LIG3: variants seen among roughly 807,000 people sequenced by gnomAD.
LIG3 encodes DNA ligase 3.
LIG3 carries 58 observed loss-of-function variants against 110.9 expected under a neutral mutation model. The observed-to-expected ratio is 0.52, with a 90% CI of 0.42 to 0.65. The LOEUF (loss-of-function observed/expected upper bound fraction) is 0.65. Among genes scored for constraint, LIG3 ranks in the 30% least tolerant of loss-of-function variants. The probability of loss-of-function intolerance (pLI) is 0.00; values close to 1 mark genes in which losing one functional copy is unlikely to be tolerated. For synonymous variants in LIG3, 422 were observed against 472.8 expected, an observed-to-expected ratio of 0.89 and a Z score of 1.39; for missense variants, 1,094 against 1,273.8, an observed-to-expected ratio of 0.86 and a Z score of 2.15.
At chr17:34,994,192 C>A in intron 8 of LIG3, 84 bp from the exon 9 acceptor site, 1 of 1,378,476 alleles carries the variant, frequency 7.3e-7, no homozygotes, top group African/African-American at 1.4e-5. Flanking sequence ...ACTACCCTCA[C>A]TAACCCAGTT....
At chr17:34,998,381 G>T (rs916223652) in intron 13 of LIG3, 85 bp downstream of exon 13, 1 of 1,281,132 alleles carries the variant, frequency 7.8e-7, no homozygotes, top group Non-Finnish European at 1.1e-6. Flanking sequence ...AGGAGATGGC[G>T]GTGGCAGCCT....
chr17:34,992,037 TAAGTAG>T lies in LIG3; in HGVS notation c.1286+3_1286+8del. 6.2e-7 allele frequency: 1 copy of T among 1,613,452 alleles called. No individual in the cohort carries two copies. Among genetic ancestry groups the T allele is most frequent in the Non-Finnish European group, 8.5e-7 (1 of 1,179,334 alleles). ...GATGAACTCAGGTGCAAAACATGTG[TAAGTAG>T]CAGCTCCGCTGACAGCCTGAGCTGT... On this transcript the variant is annotated splice_donor_5th_base_variant and intron_variant, in intron 7 of 19. Transcript: ENST00000378526.
chr17:34,995,862 G>GTCTGTACT (rs1166894465), intron 9 of LIG3, among the ~76,000 whole-genome samples: 1 of 152,138 alleles, frequency 6.6e-6, no homozygotes, highest in Non-Finnish European at 1.5e-5. Context: ...CTCTTCCTGG[G>GTCTGTACT]CCCGGACAGA....
chr17:35,000,608 C>CT (rs57663136), intron 16 of LIG3, among the ~76,000 whole-genome samples: 5,383 of 80,366 alleles, frequency 0.067, 565 homozygotes, highest in African/African-American at 0.19. Context: ...TTGGGAGATA[C>CT]TTTTTTTTTT....
chr17:35,000,312 G>A (rs983970169), intron 16 of LIG3, among the ~76,000 whole-genome samples: 11 of 152,234 alleles, frequency 7.2e-5, no homozygotes, highest in Admixed American at 7.2e-4. Flanking sequence ...AGGCTGGAGT[G>A]CAATAGCGGG....
In LIG3 at chr17:35,005,439, G is replaced by C; in HGVS notation, c.*933G>C. On this transcript the variant is annotated 3_prime_UTR_variant, in exon 20 of 20. Transcript: ENST00000378526. ...GTGTCTTACTTCCTCATGACTGGAG[G>C]AATAATTATATGATATTGTTGAACC... is the stretch of plus-strand genomic sequence containing the variant. 1 of 560,624 alleles carries C rather than the reference G, an allele frequency of 1.8e-6. No individual in the cohort carries two copies. The highest frequency in any genetic ancestry group is 3.6e-6 in the Non-Finnish European group (1 of 276,550). The allele number at this position is 560,624 out of a possible 1,614,324, so 34.7% of individuals were successfully genotyped here. A position where few individuals can be genotyped will look rare whatever the true frequency, so the allele number is the denominator to read the frequency against.
At chr17:34,981,899 C>T (rs1395223224) in intron 1 of LIG3, among the ~76,000 whole-genome samples, 1 of 152,214 alleles carries the variant, frequency 6.6e-6, no homozygotes. Context: ...GTGAGTCTTG[C>T]TGCCCAGTGA....
rs548743215 is a variant in LIG3, at chr17:34,988,120, G to C, written c.692-1346G>C. On this transcript the variant is annotated intron_variant, in intron 3 of 19. Coordinates refer to ENST00000378526, the MANE Select transcript of LIG3 (RefSeq NM_013975.4). ...AGGCAGGAGAATGGCATGAACCCTGGGGGCAGAGCCTGCAGTGAGCCAAGA... is the reference window on the plus strand; with the variant it reads ...AGGCAGGAGAATGGCATGAACCCTGCGGGCAGAGCCTGCAGTGAGCCAAGA... 2.8e-3 allele frequency among the ~76,000 whole-genome samples: 431 copies of C among 151,264 alleles called. 3 individuals carry two copies. Among genetic ancestry groups the C allele is most frequent in the African/African-American group, 9.6e-3 (393 of 41,094 alleles).
Position 34,982,692 on chromosome 17 carries a change from G to A in LIG3, c.-4-310G>A, listed in dbSNP as rs1022610548. On this transcript the variant is annotated intron_variant, in intron 1 of 19. Transcript: ENST00000378526. ...GTTCAGGATCTTGTAATACTTAAAG[G>A]TCATCATCCATTATGAGTATCATAT... 5.3e-5 allele frequency among the ~76,000 whole-genome samples: 8 copies of A among 151,780 alleles called. No individual in the cohort carries two copies. In the East Asian group the frequency reaches 1.5e-3, roughly 29 times the overall value.
intron 7 of LIG3, 99 bp downstream of exon 7, chr17:34,992,134 C>T (rs571279023): frequency 5.1e-6 from 5 of 984,142 alleles, no homozygotes; most frequent in African/African-American, 1.6e-5. Flanking sequence ...GGATTTGAAT[C>T]CCCCTTCCAC....
intron 9 of LIG3, 114 bp downstream of exon 9, chr17:34,994,545 T>C: frequency 1.9e-6 from 2 of 1,075,564 alleles, no homozygotes; most frequent in South Asian, 1.7e-5. Context: ...GGTTTGTTTT[T>C]TATTTGTTGA....
At position 35,008,415 on chromosome 17, in the gene LIG3, CT is replaced by C. The variant is rs2090911086; in HGVS notation, c.*3911del. The C allele has an allele frequency of 6.6e-6, 1 of 151,974 alleles. No individual in the cohort carries two copies. The highest frequency in any genetic ancestry group is 2.4e-5 in the African/African-American group (1 of 41,368). 9.4% of individuals were successfully genotyped at this position (151,974 alleles called of 1,614,324 possible). Reference sequence around the variant, plus strand: ...GGCCATGTGCACATCCCAGGATTAGCTTGTGGTTTATCAGTTGTCAATTTTT... The same window carrying C: ...GGCCATGTGCACATCCCAGGATTAGCTGTGGTTTATCAGTTGTCAATTTTT... On this transcript the variant is annotated 3_prime_UTR_variant, in exon 20 of 20. Transcript: ENST00000378526.
rs1300505660 is a variant in LIG3, at chr17:34,998,212, C to G, written c.1912-7C>G. On this transcript the variant is annotated splice_polypyrimidine_tract_variant and splice_region_variant and intron_variant, in intron 12 of 19. Transcript: ENST00000378526. ...ACACCAACTTCAGCATCTCTCTTGT[C>G]CCTCAGAAAGCTTTGGACTTGGCTG... The G allele has an allele frequency of 8.7e-6, 14 of 1,609,454 alleles. No individual in the cohort carries two copies. The highest frequency in any genetic ancestry group is 1.1e-5 in the South Asian group (1 of 90,422).
chr17:34,995,182 G>A (rs553296452), intron 9 of LIG3, among the ~76,000 whole-genome samples: 129 of 152,180 alleles, frequency 8.5e-4, no homozygotes, highest in Non-Finnish European at 1.8e-3. Context: ...GGAACATGTT[G>A]TGTGGCCTGT....
Position 34,988,190 on chromosome 17 carries a change from C to CAAA in LIG3, c.692-1252_692-1250dup, listed in dbSNP as rs555462146. Among the ~76,000 whole-genome samples, 14 of 45,686 alleles carry CAAA rather than the reference C, an allele frequency of 3.1e-4. 1 individual carries two copies. Among genetic ancestry groups the CAAA allele is most frequent in the African/African-American group, 6.1e-4 (7 of 11,528 alleles). 30.0% of individuals were successfully genotyped at this position (45,686 alleles called of 152,430 possible). On this transcript the variant is annotated intron_variant, in intron 3 of 19. Transcript: ENST00000378526. ...CCTGGGCGACAGCGAGACTCTGTCT[C>CAAA]AAAAAAAAAAAAAAAAAAAAAAAAA...
chr17:34,996,046 CT>C lies in LIG3; in HGVS notation c.1612-17del. On this transcript the variant is annotated splice_polypyrimidine_tract_variant and intron_variant, in intron 9 of 19. Coordinates refer to ENST00000378526, the MANE Select transcript of LIG3 (RefSeq NM_013975.4). ...GCTGCCATGTCATCCCTCACCAAAG[CT>C]CCCCTTCTGCTTTCAGGTGGCCCAC... 6.2e-7 allele frequency: 1 copy of C among 1,608,674 alleles called. No homozygotes were observed.
chr17:34,985,947 G>T lies in LIG3; in HGVS notation c.548-41G>T, dbSNP rs767913970. On this transcript the variant is annotated intron_variant, in intron 2 of 19. Coordinates refer to ENST00000378526, the MANE Select transcript of LIG3 (RefSeq NM_013975.4). ...TCTTTGGATGTTTTTTTCAGAGATC[G>T]TTCACTGAAGGATATTTTATACTCT... 2.5e-6 allele frequency: 4 copies of T among 1,593,482 alleles called. No homozygotes were observed. In the South Asian group the frequency reaches 4.4e-5, roughly 18 times the overall value.
chr17:34,991,522 G>A, intron 5 of LIG3, 149 bp from the exon 6 acceptor site: 2 of 721,820 alleles, frequency 2.8e-6, no homozygotes, highest in East Asian at 2.6e-5. Context: ...TTGTGGATGG[G>A]CTAGTGTCTC....
At chr17:34,995,784 T>G (rs1203213624) in intron 9 of LIG3, among the ~76,000 whole-genome samples, 1 of 152,218 alleles carries the variant, frequency 6.6e-6, no homozygotes, top group Non-Finnish European at 1.5e-5. Flanking sequence ...TTTAATCTGT[T>G]TCTTCCATTT....
Sources: allele counts gnomAD v4.1 joint callset (sites outside exome capture counted in the v4.1 genomes callset), GRCh38; gene constraint gnomAD v4.1.1; transcripts MANE v1.5; gene names NCBI Gene and HGNC (gene_info 2026-07-23, HGNC 2026-07-21).